SLC38A9: variants seen among roughly 807,000 people sequenced by gnomAD.
The protein encoded by SLC38A9 is neutral amino acid transporter 9.
A neutral mutation model predicts 62.3 loss-of-function variants in SLC38A9; 48 were observed. The ratio of observed to expected loss-of-function variants is 0.77; its 90% CI spans 0.61 to 0.98. SLC38A9 has a LOEUF of 0.98. Among genes scored for constraint, SLC38A9 ranks in the 50% least tolerant of loss-of-function variants. The pLI is 0.00. For synonymous variants in SLC38A9, 204 were observed against 227.7 expected, an observed-to-expected ratio of 0.90 and a Z score of 0.94; for missense variants, 541 against 679.8, an observed-to-expected ratio of 0.80 and a Z score of 2.27.
intron 11 of SLC38A9, among the ~76,000 whole-genome samples, chr5:55,646,320 G>A (rs182137614): frequency 2.7e-3 from 417 of 151,782 alleles, no homozygotes; most frequent in Non-Finnish European, 5.1e-3. Context: ...GTAGTAAGCC[G>A]AGATCACACC....
intron 12 of SLC38A9, among the ~76,000 whole-genome samples, chr5:55,642,649 T>C (rs1260854387): frequency 2.0e-5 from 3 of 152,094 alleles, no homozygotes; most frequent in Non-Finnish European, 2.9e-5. Flanking sequence ...GGGGTAAAAA[T>C]ACTAAAAATT....
Position 55,664,686 on chromosome 5 carries a change from T to C in SLC38A9, c.697+7A>G. On this transcript the variant is annotated splice_region_variant and intron_variant, in intron 8 of 15. Transcript: ENST00000396865. ...CTGTGTTAAAAGCATATGATATAGA[T>C]ACTTACTAAAAATAAACTTTCCAGT... The C allele has an allele frequency of 6.1e-6, 9 of 1,463,674 alleles. No individual in the cohort carries two copies. Among genetic ancestry groups the C allele is most frequent in the South Asian group, 1.3e-5 (1 of 74,314 alleles). The allele number at this position is 1,463,674 out of a possible 1,614,324, so 90.7% of individuals were successfully genotyped here.
In SLC38A9 at chr5:55,635,737, A is replaced by C. The variant is rs1744287743; in HGVS notation, c.1168-80T>G. 6 of 856,244 alleles carry C rather than the reference A, an allele frequency of 7.0e-6. No homozygotes were observed. In the East Asian group the frequency reaches 1.5e-4, roughly 22 times the overall value. The allele number at this position is 856,244 out of a possible 1,614,324, so 53.0% of individuals were successfully genotyped here. A position where few individuals can be genotyped will look rare whatever the true frequency, so the allele number is the denominator to read the frequency against. ...CCTTAATAGGCTAAGGAGACTAACA[A>C]ATAAATATAAAATTTGTCTTTTTAC... On this transcript the variant is annotated intron_variant, in intron 12 of 15. Transcript: ENST00000396865.
At chr5:55,700,344 A>C (rs1756478947) in intron 2 of SLC38A9, among the ~76,000 whole-genome samples, 1 of 139,968 alleles carries the variant, frequency 7.1e-6, no homozygotes, top group African/African-American at 2.6e-5. Context: ...CCCCAATTAA[A>C]AAAAATAAAA....
At chr5:55,677,611 G>A (rs1234021022) in intron 3 of SLC38A9, among the ~76,000 whole-genome samples, 2 of 151,910 alleles carry the variant, frequency 1.3e-5, no homozygotes, top group African/African-American at 2.4e-5. Context: ...CTGATAGCTC[G>A]CAGCAGCAAC....
At chr5:55,698,037 T>G (rs1756157245) in intron 2 of SLC38A9, 45 bp from the exon 3 acceptor site, 1 of 710,146 alleles carries the variant, frequency 1.4e-6, no homozygotes, top group African/African-American at 1.9e-5. Context: ...TAAAATATTT[T>G]ATTATCCATC....
At chr5:55,662,681 A>ACC (rs1300650029) in intron 8 of SLC38A9, among the ~76,000 whole-genome samples, 1 of 54,930 alleles carries the variant, frequency 1.8e-5, no homozygotes, top group Non-Finnish European at 5.6e-5. Context: ...AAAAACAAAA[A>ACC]AAAACCAAAA....
intron 3 of SLC38A9, among the ~76,000 whole-genome samples, chr5:55,683,476 A>ATACAT (rs1753322027): frequency 6.6e-6 from 1 of 152,236 alleles, no homozygotes; most frequent in African/African-American, 2.4e-5. Flanking sequence ...TCTCATTAGA[A>ATACAT]ATGTAGCACA....
rs551221095 is a variant in SLC38A9 at position 55,660,146 on chromosome 5, C to G, written c.698-3372G>C. Reference sequence around the variant, plus strand: ...ATTCAAGGGGCAGGGCACGGTGGGTCACGCCTGTAATCCCAGCACTTTGGG... The same window carrying G: ...ATTCAAGGGGCAGGGCACGGTGGGTGACGCCTGTAATCCCAGCACTTTGGG... On this transcript the variant is annotated intron_variant, in intron 8 of 15. Transcript: ENST00000396865. Among the ~76,000 whole-genome samples, 198 of 151,512 alleles carry G rather than the reference C, an allele frequency of 1.3e-3. 1 individual carries two copies. The highest frequency in any genetic ancestry group is 0.01 in the Middle Eastern group (3 of 292).
chr5:55,696,935 C>A, intron 3 of SLC38A9: 1 of 147,782 alleles, frequency 6.8e-6, no homozygotes, highest in Non-Finnish European at 1.4e-5. Flanking sequence ...GGCGGCGGGG[C>A]AGAGGCGCTC....
chr5:55,645,390 T>C (rs1375787900), intron 12 of SLC38A9, among the ~76,000 whole-genome samples: 6 of 152,204 alleles, frequency 3.9e-5, no homozygotes, highest in African/African-American at 9.6e-5. Flanking sequence ...TAATGGCTTA[T>C]TAGCCATACC....
chr5:55,647,442 G>T (rs1384039947), intron 11 of SLC38A9, among the ~76,000 whole-genome samples: 1 of 152,042 alleles, frequency 6.6e-6, no homozygotes, highest in Non-Finnish European at 1.5e-5. Flanking sequence ...CGTATAAAAA[G>T]TCCACTGACT....
chr5:55,626,809 G>T, intron 15 of SLC38A9, 150 bp from the exon 16 acceptor site: 3 of 617,804 alleles, frequency 4.9e-6, no homozygotes, highest in Non-Finnish European at 7.7e-6. Flanking sequence ...AAACATCTGG[G>T]TTTAAAACTT....
chr5:55,711,680 C>T (rs2150771051), intron 1 of SLC38A9, among the ~76,000 whole-genome samples, 181 bp from the exon 2 acceptor site: 1 of 152,272 alleles, frequency 6.6e-6, no homozygotes. Flanking sequence ...TAGCTCAAGG[C>T]CCAAAGGGGG....
At chr5:55,689,715 G>C (rs191360971) in intron 3 of SLC38A9, among the ~76,000 whole-genome samples, 1 of 152,198 alleles carries the variant, frequency 6.6e-6, no homozygotes, top group Non-Finnish European at 1.5e-5. Flanking sequence ...CTTTCTTCAG[G>C]CTTCTCTAAT....
At chr5:55,667,551 T>A (rs1484605413) in intron 7 of SLC38A9, among the ~76,000 whole-genome samples, 3 of 64,176 alleles carry the variant, frequency 4.7e-5, no homozygotes, top group Non-Finnish European at 8.8e-5. Context: ...GGAATAAACC[T>A]TATCTTAGGC....
In SLC38A9 at chr5:55,709,849, G is replaced by A. The variant is rs113649727; in HGVS notation, c.-35+1603C>T. Among the ~76,000 whole-genome samples the A allele has an allele frequency of 2.6e-5, 4 of 151,948 alleles. No individual in the cohort carries two copies. The South Asian group carries it at 6.2e-4, about 24-fold the overall frequency. On this transcript the variant is annotated intron_variant, in intron 2 of 15. Coordinates refer to ENST00000396865, the MANE Select transcript of SLC38A9 (RefSeq NM_173514.4). ...TGGGAGGCCGAGGCAGGCAGATCAA[G>A]AGGTCAGGAGATCAAGACCATCCTG...
At chr5:55,678,983 A>T (rs1752626704) in intron 3 of SLC38A9, among the ~76,000 whole-genome samples, 1 of 152,178 alleles carries the variant, frequency 6.6e-6, no homozygotes, top group African/African-American at 2.4e-5. Flanking sequence ...GAATCAGTTT[A>T]AATTACTGTG....
chr5:55,669,996 G>C, intron 4 of SLC38A9, 117 bp from the exon 5 acceptor site: 1 of 917,514 alleles, frequency 1.1e-6, no homozygotes, highest in Non-Finnish European at 1.6e-6. Flanking sequence ...ACGGAGTCTC[G>C]CCCTGTCGCC....
Sources: allele counts gnomAD v4.1 joint callset (sites outside exome capture counted in the v4.1 genomes callset), GRCh38; gene constraint gnomAD v4.1.1; transcripts MANE v1.5; gene names NCBI Gene and HGNC (gene_info 2026-07-23, HGNC 2026-07-21).